Variants in C10orf71 observed in about 807,000 individuals in gnomAD.
C10orf71 encodes the protein cardiac-enriched FHL2-interacting protein.
For missense variants in C10orf71, 1,869 were observed against 1,804.5 expected (o/e 1.04, Z -0.65); for synonymous variants, 758 against 726.3 (o/e 1.04, Z -0.70).
chr10:49,300,761 T>A (rs1211042210), intron 1 of C10orf71, among the ~76,000 whole-genome samples: 1 of 152,190 alleles, frequency 6.6e-6, no homozygotes, highest in Non-Finnish European at 1.5e-5. Flanking sequence ...CCAACACACA[T>A]CTGCCCCTGG....
Position 49,323,523 on chromosome 10 carries a change from G to A in C10orf71, c.978G>A (p.Gln326=). 6.2e-7 allele frequency: 1 copy of A among 1,611,158 alleles called. No individual in the cohort carries two copies. The highest frequency in any genetic ancestry group is 8.5e-7 in the Non-Finnish European group (1 of 1,177,924). Residue 326 remains glutamine (Q), a synonymous_variant, in exon 3 of 3, where the codon CAG becomes CAA. Transcript: ENST00000374144. ...CTGAGCGCACAGTCTCTCCCTGCCA[G>A]GTCCAGGCCAGCTGCAGTCAGGAAG... The part of the protein sequence containing the change: ...CPPERTVSPC[Q]VQASCSQEEN...
chr10:49,312,348 T>G (rs1050865779), intron 1 of C10orf71, among the ~76,000 whole-genome samples: 1 of 152,220 alleles, frequency 6.6e-6, no homozygotes, highest in Non-Finnish European at 1.5e-5. Context: ...CTCCATCTGA[T>G]GCAAGTTTGG....
intron 1 of C10orf71, among the ~76,000 whole-genome samples, chr10:49,305,112 G>T (rs550857294): frequency 6.6e-5 from 10 of 152,328 alleles, no homozygotes; most frequent in South Asian, 4.1e-4. Flanking sequence ...GGAATCCCAG[G>T]TGTCATGGGG....
chr10:49,309,058 G>T (rs966424012), intron 1 of C10orf71, among the ~76,000 whole-genome samples: 3 of 152,222 alleles, frequency 2.0e-5, no homozygotes, highest in African/African-American at 7.2e-5. Context: ...CATGCCAAGT[G>T]TTATCAAGGA....
Position 49,327,018 on chromosome 10 carries a change from G to A in C10orf71, c.*165G>A. 6.3e-7 allele frequency: 1 copy of A among 1,590,208 alleles called. No homozygotes were observed. The highest frequency in any genetic ancestry group is 8.6e-7 in the Non-Finnish European group (1 of 1,167,644). Reference sequence around the variant, plus strand: ...TCCATAAAGTCCAGAAGGCAGTAGGGATCCCAAGACGACCTCACCCAAAGG... The same window carrying A: ...TCCATAAAGTCCAGAAGGCAGTAGGAATCCCAAGACGACCTCACCCAAAGG... On this transcript the variant is annotated 3_prime_UTR_variant, in exon 3 of 3. Coordinates refer to ENST00000374144, the MANE Select transcript of C10orf71 (RefSeq NM_001135196.2).
At chr10:49,298,276 G>T (rs1848668724), upstream of C10orf71, among the ~76,000 whole-genome samples, 1 of 152,204 alleles carries the variant, frequency 6.6e-6, no homozygotes, top group Non-Finnish European at 1.5e-5. Flanking sequence ...ACCCAGCGGG[G>T]GCCAGTCATC....
intron 2 of C10orf71, among the ~76,000 whole-genome samples, 193 bp downstream of exon 2, chr10:49,316,440 C>T (rs1485025206): frequency 6.6e-6 from 1 of 152,130 alleles, no homozygotes; most frequent in Non-Finnish European, 1.5e-5. Context: ...GAGGGAGTCT[C>T]TCTTTTTCCT....
intron 1 of C10orf71, among the ~76,000 whole-genome samples, chr10:49,315,712 A>T (rs567510652): frequency 1.4e-4 from 21 of 152,290 alleles, no homozygotes; most frequent in African/African-American, 4.8e-4. Flanking sequence ...TCAAGTATGG[A>T]TTGTTTTTCA....
Position 49,323,977 on chromosome 10 carries a change from T to C in C10orf71, c.1432T>C (p.Tyr478His). The change falls in exon 3 of 3, where the codon TAC becomes CAC. Residue 478 changes from tyrosine to histidine, a missense_variant. By Grantham distance (83) the Tyr-to-His change is moderately conservative. Coordinates refer to ENST00000374144, the MANE Select transcript of C10orf71 (RefSeq NM_001135196.2). ...ATCACCCCCAGGACAGCTAAACGGA[T>C]ACCAAGAGAAGGAGCCCAGTGAATG... ...TPSPPGQLNGYQEKEPSECQS... is the reference protein window; with the variant it reads ...TPSPPGQLNGHQEKEPSECQS... 1.9e-6 allele frequency: 3 copies of C among 1,613,432 alleles called. No individual in the cohort carries two copies. The highest frequency in any genetic ancestry group is 2.5e-6 in the Non-Finnish European group (3 of 1,179,710).
rs192686162 is a variant in C10orf71 at position 49,323,379 on chromosome 10, G to A, written c.834G>A (p.Glu278=). The A allele has an allele frequency of 6.2e-7, 1 of 1,613,984 alleles. No homozygotes were observed. The highest frequency in any genetic ancestry group is 1.7e-5 in the Admixed American group (1 of 60,022). ...TGCACAGTGAAAATAGTGCTTTTGA[G>A]TCATGGAATGCCCACCAACCAAAGC... The part of the protein sequence containing the change: ...TFLHSENSAF[E]SWNAHQPKLL... The change falls in exon 3 of 3, where the codon GAG becomes GAA. Residue 278 remains glutamate (E), a synonymous_variant. Transcript: ENST00000374144.
chr10:49,324,799 C>T lies in C10orf71; in HGVS notation c.2254C>T (p.Gln752Ter), dbSNP rs1353890198. The change falls in exon 3 of 3, where the codon CAG becomes TAG. Residue 752 changes from glutamine (Q) to a stop codon, truncating the protein, a stop_gained. Transcript: ENST00000374144. LOFTEE classifies it low-confidence loss of function (END_TRUNC). ...DQQKMWFTEN[Q>*]REDRRKDVSA... is the part of the protein sequence containing the mutation. The stretch of plus-strand genomic sequence containing the variant: ...GCAGAAGATGTGGTTTACTGAGAAC[C>T]AGCGGGAAGACAGGAGGAAGGATGT... 14 of 1,552,180 alleles carry T rather than the reference C, an allele frequency of 9.0e-6. No homozygotes were observed. Among genetic ancestry groups the T allele is most frequent in the Non-Finnish European group, 1.2e-5 (14 of 1,147,140 alleles).
chr10:49,325,546 A>AT lies in C10orf71; in HGVS notation c.3002dup (p.Thr1003HisfsTer8). The stretch of plus-strand genomic sequence containing the variant: ...AGGGAAGCTGGCAGCCCCATGGCAC[A>AT]TCCCCACCATTGCTTTACCCGAGGG... On this transcript the variant is annotated frameshift_variant, in exon 3 of 3. Transcript: ENST00000374144. LOFTEE classifies it low-confidence loss of function (END_TRUNC). The AT allele has an allele frequency of 6.4e-7, 1 of 1,550,552 alleles. No homozygotes were observed. The highest frequency in any genetic ancestry group is 8.7e-7 in the Non-Finnish European group (1 of 1,146,060).
Position 49,327,141 on chromosome 10 carries a change from C to T in C10orf71, c.*288C>T, listed in dbSNP as rs71500272. ...CACTCTACTCCAGCCCTTCTCCCTC[C>T]CTCCCTTCCTCCCTCTCCTGGCCCA... On this transcript the variant is annotated 3_prime_UTR_variant, in exon 3 of 3. Transcript: ENST00000374144. 269,005 of 971,010 alleles carry T rather than the reference C, an allele frequency of 0.28. 39,934 individuals are homozygous for T. Among genetic ancestry groups the T allele is most frequent in the South Asian group, 0.29 (17,709 of 60,986 alleles). The allele number at this position is 971,010 out of a possible 1,614,324, so 60.1% of individuals were successfully genotyped here.
chr10:49,323,839 G>T lies in C10orf71; in HGVS notation c.1294G>T (p.Glu432Ter). The T allele has an allele frequency of 6.2e-7, 1 of 1,613,852 alleles. No homozygotes were observed. The highest frequency in any genetic ancestry group is 8.5e-7 in the Non-Finnish European group (1 of 1,179,862). The part of the protein sequence containing the change: ...SENNALDLPV[E>*]PNEHYDPPFN... ...AAACAATGCTCTTGACCTGCCTGTGGAACCCAATGAACATTATGATCCCCC... is the reference window on the plus strand; with the variant it reads ...AAACAATGCTCTTGACCTGCCTGTGTAACCCAATGAACATTATGATCCCCC... Residue 432 changes from glutamate to a stop codon, truncating the protein, a stop_gained, in exon 3 of 3, where the codon GAA becomes TAA. Transcript: ENST00000374144. LOFTEE classifies it low-confidence loss of function (END_TRUNC).
At chr10:49,300,033 T>C (rs1848699277) in intron 1 of C10orf71, among the ~76,000 whole-genome samples, 1 of 152,212 alleles carries the variant, frequency 6.6e-6, no homozygotes, top group South Asian at 2.1e-4. Flanking sequence ...AATTACCTCT[T>C]TTATTTTCTG....
chr10:49,305,662 C>T (rs1848799729), intron 1 of C10orf71, among the ~76,000 whole-genome samples: 1 of 152,174 alleles, frequency 6.6e-6, no homozygotes, highest in East Asian at 1.9e-4. Flanking sequence ...AGCCCATGGA[C>T]CTGCCACCAG....
chr10:49,322,416 C>A lies in C10orf71; in HGVS notation c.-130C>A. 8.7e-7 allele frequency: 1 copy of A among 1,144,172 alleles called. No homozygotes were observed. Among genetic ancestry groups the A allele is most frequent in the Non-Finnish European group, 1.2e-6 (1 of 838,940 alleles). The allele number at this position is 1,144,172 out of a possible 1,614,324, so 70.9% of individuals were successfully genotyped here. A position where few individuals can be genotyped will look rare whatever the true frequency, so the allele number is the denominator to read the frequency against. On this transcript the variant is annotated 5_prime_UTR_variant, in exon 3 of 3. Coordinates refer to ENST00000374144, the MANE Select transcript of C10orf71 (RefSeq NM_001135196.2). ...TTCTTTTGCAGAGAAAAAAAAAAAT[C>A]CCCACTTTGCAATTGCATCTGGTCA...
chr10:49,319,223 T>C (rs1211877746), intron 2 of C10orf71, among the ~76,000 whole-genome samples: 1 of 151,976 alleles, frequency 6.6e-6, no homozygotes, highest in East Asian at 1.9e-4. Flanking sequence ...TTCTAGGCAA[T>C]GGGAGGTATG....
Position 49,324,190 on chromosome 10 carries a change from G to C in C10orf71, c.1645G>C (p.Glu549Gln), listed in dbSNP as rs755054038. 1 of 1,613,970 alleles carries C rather than the reference G, an allele frequency of 6.2e-7. No individual in the cohort carries two copies. Among genetic ancestry groups the C allele is most frequent in the Admixed American group, 1.7e-5 (1 of 60,028 alleles). The change falls in exon 3 of 3, where the codon GAG becomes CAG. Residue 549 changes from glutamate (E) to glutamine (Q), a missense_variant. By Grantham distance (29) the Glu-to-Gln change is conservative. Coordinates refer to ENST00000374144, the MANE Select transcript of C10orf71 (RefSeq NM_001135196.2). ...SNGVILPNGL[E>Q]ESPPNELSKE... is the part of the protein sequence containing the mutation. The stretch of plus-strand genomic sequence containing the variant: ...CGGTGTCATCCTCCCCAATGGGCTT[G>C]AGGAAAGCCCTCCAAATGAGCTTTC...
Sources: allele counts gnomAD v4.1 joint callset (sites outside exome capture counted in the v4.1 genomes callset), GRCh38; gene constraint gnomAD v4.1.1; transcripts MANE v1.5; gene names NCBI Gene and HGNC (gene_info 2026-07-23, HGNC 2026-07-21).